The following ELAPOR1 variants were observed in gnomAD, a reference collection of about 807,000 sequenced individuals.
ELAPOR1 encodes the protein endosome-lysosome associated apoptosis and autophagy regulator 1, also known as endosome/lysosome-associated apoptosis and autophagy regulator 1.
Under a neutral mutation model 119.7 loss-of-function variants are expected in ELAPOR1, and 77 were observed. The ratio of observed to expected loss-of-function variants is 0.64; its 90% CI spans 0.54 to 0.78. ELAPOR1 has a LOEUF of 0.78. ELAPOR1 is among the 30% of genes least tolerant of loss of function. The pLI is 0.00. For missense variants in ELAPOR1, 1,115 were observed against 1,270.4 expected (o/e 0.88, Z 1.86); for synonymous variants, 481 against 487.2 (o/e 0.99, Z 0.17).
At chr1:109,134,024 T>C (rs1004354881) in intron 1 of ELAPOR1, among the ~76,000 whole-genome samples, 12 of 152,200 alleles carry the variant, frequency 7.9e-5, no homozygotes, top group Admixed American at 7.9e-4. Flanking sequence ...GAACTGTCAG[T>C]GCCTGGTCAT....
intron 1 of ELAPOR1, among the ~76,000 whole-genome samples, chr1:109,161,426 A>G (rs1189919739): frequency 1.3e-5 from 2 of 151,632 alleles, no homozygotes; most frequent in African/African-American, 4.8e-5. Context: ...AAAAAAAAAA[A>G]AAAAAAAGAA....
At chr1:109,115,739 T>C (rs71655987) in intron 1 of ELAPOR1, among the ~76,000 whole-genome samples, 10,666 of 152,238 alleles carry the variant, frequency 0.07, 475 homozygotes, top group South Asian at 0.18. Context: ...GATACTTGAT[T>C]TTGAAGATTC....
chr1:109,191,927 A>T, intron 13 of ELAPOR1, 64 bp downstream of exon 13: 1 of 1,576,866 alleles, frequency 6.3e-7, no homozygotes, highest in Non-Finnish European at 8.7e-7. Flanking sequence ...GACTCCTAGC[A>T]TTAGCTTAAG....
intron 1 of ELAPOR1, among the ~76,000 whole-genome samples, chr1:109,130,509 AT>A (rs1454476292): frequency 9.9e-5 from 15 of 150,856 alleles, no homozygotes; most frequent in South Asian, 2.1e-4. Context: ...AATTATATAT[AT>A]ATTTATTTTT....
intron 18 of ELAPOR1, 56 bp downstream of exon 18, chr1:109,198,730 T>C: frequency 3.5e-6 from 5 of 1,448,500 alleles, no homozygotes; most frequent in Non-Finnish European, 4.8e-6. Flanking sequence ...AGTCATTCCA[T>C]CCTGAGATCC....
At chr1:109,121,297 C>T (rs1430656831) in intron 1 of ELAPOR1, among the ~76,000 whole-genome samples, 1 of 151,870 alleles carries the variant, frequency 6.6e-6, no homozygotes, top group Admixed American at 6.6e-5. Context: ...CAGGCATCTG[C>T]CATCACTCCC....
At chr1:109,159,600 T>C (rs537449657) in intron 1 of ELAPOR1, among the ~76,000 whole-genome samples, 1 of 152,316 alleles carries the variant, frequency 6.6e-6, no homozygotes, top group South Asian at 2.1e-4. Flanking sequence ...TGTGAGTCTG[T>C]GTTTGGTCAG....
In ELAPOR1 at chr1:109,150,040, G is replaced by A. The variant is rs796255045; in HGVS notation, c.154-11854G>A. Among the ~76,000 whole-genome samples the A allele has an allele frequency of 4.6e-5, 7 of 152,364 alleles. 1 individual carries two copies. The highest frequency in any genetic ancestry group is 1.7e-4 in the African/African-American group (7 of 41,586). ...TGCCGCAGTCCTGTCTCCCTCACGG[G>A]ACTGGTCAGTGTTTTCCAAGAACCC... On this transcript the variant is annotated intron_variant, in intron 1 of 21. Coordinates refer to ENST00000369939, the MANE Select transcript of ELAPOR1 (RefSeq NM_020775.5).
chr1:109,188,958 C>A, intron 9 of ELAPOR1, 108 bp from the exon 10 acceptor site: 1 of 1,340,658 alleles, frequency 7.5e-7, no homozygotes, highest in South Asian at 1.4e-5. Context: ...AGCAGCCAGG[C>A]TTCTGGGCTG....
Position 109,200,122 on chromosome 1 carries a change from A to G in ELAPOR1, c.2692A>G (p.Arg898Gly), listed in dbSNP as rs1417247893. ...CSGGISLPEQ[R>G]VTICKTIDFW... is the part of the protein sequence containing the mutation. ...TGGTGGCATTTCTCTGCCTGAGCAG[A>G]GAGTCACCATCTGCAAAACCATAGA... is the stretch of plus-strand genomic sequence containing the variant. Residue 898 changes from arginine (R) to glycine (G), a missense_variant, in exon 20 of 22, where the codon AGA becomes GGA. Transcript: ENST00000369939. 7.4e-6 allele frequency: 12 copies of G among 1,614,116 alleles called. No homozygotes were observed. The highest frequency in any genetic ancestry group is 1.3e-5 in the African/African-American group (1 of 74,954).
At position 109,203,209 on chromosome 1, in the gene ELAPOR1, T is replaced by C; in HGVS notation, c.*197T>C. On this transcript the variant is annotated 3_prime_UTR_variant, in exon 22 of 22. Transcript: ENST00000369939. Reference sequence around the variant, plus strand: ...CTGCTTGCCTCAAACCTGCCAAATATACCCACACTTTGTTTGTAAATTATG... The same window carrying C: ...CTGCTTGCCTCAAACCTGCCAAATACACCCACACTTTGTTTGTAAATTATG... 1 of 541,722 alleles carries C rather than the reference T, an allele frequency of 1.8e-6. No homozygotes were observed. Among genetic ancestry groups the C allele is most frequent in the East Asian group, 3.4e-5 (1 of 29,040 alleles). 33.6% of individuals were successfully genotyped at this position (541,722 alleles called of 1,614,324 possible).
Position 109,194,461 on chromosome 1 carries a change from A to C in ELAPOR1, c.1988A>C (p.Asn663Thr), listed in dbSNP as rs772697485. 6.2e-6 allele frequency: 10 copies of C among 1,613,840 alleles called. No homozygotes were observed. Among genetic ancestry groups the C allele is most frequent in the Non-Finnish European group, 8.5e-6 (10 of 1,179,720 alleles). The change falls in exon 15 of 22, where the codon AAC (asparagine) becomes ACC (threonine). Residue 663 changes from asparagine (N) to threonine (T), a missense_variant. Transcript: ENST00000369939. ...TACAACGATTGCACCTTCTCACGCA[A>C]CACTCCGACCAGGACTTTCAACTAC... ...LCYNDCTFSRNTPTRTFNYNF... is the reference protein window; with the variant it reads ...LCYNDCTFSRTTPTRTFNYNF...
At chr1:109,174,572 AAG>A (rs1260302103) in intron 7 of ELAPOR1, among the ~76,000 whole-genome samples, 1 of 151,314 alleles carries the variant, frequency 6.6e-6, no homozygotes, top group African/African-American at 2.4e-5. Flanking sequence ...GGGTGGGGGG[AAG>A]AGAGACAATA....
chr1:109,185,193 G>T, intron 8 of ELAPOR1, 60 bp downstream of exon 8: 1 of 1,317,332 alleles, frequency 7.6e-7, no homozygotes, highest in Middle Eastern at 1.9e-4. Flanking sequence ...ACTCCCTGAG[G>T]TTTGCCACCA....
At chr1:109,135,338 G>A (rs1649400056) in intron 1 of ELAPOR1, among the ~76,000 whole-genome samples, 2 of 152,078 alleles carry the variant, frequency 1.3e-5, no homozygotes, top group African/African-American at 4.8e-5. Flanking sequence ...CCACCTCCTG[G>A]GTTCAAGCGA....
At chr1:109,129,058 C>A (rs1257180194) in intron 1 of ELAPOR1, among the ~76,000 whole-genome samples, 2 of 151,302 alleles carry the variant, frequency 1.3e-5, no homozygotes, top group Non-Finnish European at 2.9e-5. Context: ...GACAGATTGC[C>A]TCTGGGGCTC....
chr1:109,136,757 A>C (rs1649497089), intron 1 of ELAPOR1, among the ~76,000 whole-genome samples: 1 of 152,242 alleles, frequency 6.6e-6, no homozygotes, highest in African/African-American at 2.4e-5. Context: ...CTCAGTTAGC[A>C]ACAGCCTCTG....
At position 109,200,244 on chromosome 1, in the gene ELAPOR1, G is replaced by T. The variant is rs377666228; in HGVS notation, c.2807+7G>T. On this transcript the variant is annotated splice_region_variant and intron_variant, in intron 20 of 21. Coordinates refer to ENST00000369939, the MANE Select transcript of ELAPOR1 (RefSeq NM_020775.5). ...TTTGGAAAAAGAATCAAAAGTACAT[G>T]TTGCGGTATTGGAGTGTGGGGATGG... 1 of 1,613,558 alleles carries T rather than the reference G, an allele frequency of 6.2e-7. No homozygotes were observed. Among genetic ancestry groups the T allele is most frequent in the Non-Finnish European group, 8.5e-7 (1 of 1,179,646 alleles).
rs866386127 is a variant in ELAPOR1, at chr1:109,144,051, A to T, written c.154-17843A>T. On this transcript the variant is annotated intron_variant, in intron 1 of 21. Coordinates refer to ENST00000369939, the MANE Select transcript of ELAPOR1 (RefSeq NM_020775.5). ...TCTAAAATTATATATATATATATAT[A>T]TATTTATATATTTTTTTTTTTTTTT... 6.6e-4 allele frequency among the ~76,000 whole-genome samples: 28 copies of T among 42,192 alleles called. No individual in the cohort carries two copies. In the South Asian group the frequency reaches 0.014, roughly 22 times the overall value. 27.7% of individuals were successfully genotyped at this position (42,192 alleles called of 152,430 possible). A position where few individuals can be genotyped will look rare whatever the true frequency, so the allele number is the denominator to read the frequency against.
Sources: gnomAD v4.1 joint callset for allele counts (sites outside exome capture counted in the v4.1 genomes callset) on GRCh38, gnomAD v4.1.1 for gene constraint, MANE v1.5 for transcripts, NCBI Gene and HGNC (gene_info 2026-07-23, HGNC 2026-07-21) for gene names.